ADAM12: variants seen among roughly 807,000 people sequenced by gnomAD.
ADAM12 encodes the protein disintegrin and metalloproteinase domain-containing protein 12.
ADAM12 carries 70 observed loss-of-function variants against 106.4 expected under a neutral mutation model. The observed-to-expected ratio is 0.66, with a 90% confidence interval of 0.54 to 0.80. ADAM12 has a LOEUF of 0.80. Among genes scored for constraint, ADAM12 ranks in the 30% least tolerant of loss-of-function variants. ADAM12 has a pLI of 0.00. For missense variants in ADAM12, 1,010 were observed against 1,171.9 expected (o/e 0.86, Z 2.02); for synonymous variants, 420 against 433.5 (o/e 0.97, Z 0.39).
At chr10:126,041,423 C>T in intron 18 of ADAM12, 1 of 985,656 alleles carries the variant, frequency 1.0e-6, no homozygotes, top group Non-Finnish European at 1.2e-6. Context: ...CACTTTTTAA[C>T]ATTCTTACTT....
At chr10:126,308,854 T>C (rs1190994389) in intron 2 of ADAM12, among the ~76,000 whole-genome samples, 2 of 152,226 alleles carry the variant, frequency 1.3e-5, no homozygotes, top group East Asian at 1.9e-4. Flanking sequence ...GTATCCATTG[T>C]TGAAGGTCAG....
At chr10:126,175,814 G>A (rs1957210187) in intron 3 of ADAM12, among the ~76,000 whole-genome samples, 1 of 152,234 alleles carries the variant, frequency 6.6e-6, no homozygotes, top group Non-Finnish European at 1.5e-5. Flanking sequence ...GCTGCTCTTG[G>A]AAGGAGGGGA....
intron 2 of ADAM12, among the ~76,000 whole-genome samples, chr10:126,282,977 A>G (rs1012542768): frequency 6.6e-6 from 1 of 152,046 alleles, no homozygotes; most frequent in Non-Finnish European, 1.5e-5. Context: ...ACAACTCACC[A>G]TAATGTAGCA....
At position 126,131,536 on chromosome 10, in the gene ADAM12, C is replaced by T. The variant is rs533405908; in HGVS notation, c.416+4048G>A. On this transcript the variant is annotated intron_variant, in intron 5 of 22. Coordinates refer to ENST00000448723, the MANE Select transcript of ADAM12 (RefSeq NM_001288973.2). ...ATGGGGCCTTTGGGAGCTGATCAGG[C>T]TTAGATGAGATCATGAGGGAAGCCC... 2.6e-5 allele frequency among the ~76,000 whole-genome samples: 4 copies of T among 152,262 alleles called. No homozygotes were observed. The East Asian group carries it at 7.7e-4, about 29-fold the overall frequency.
chr10:126,093,888 C>T lies in ADAM12; in HGVS notation c.1145+97G>A, dbSNP rs1955509120. On this transcript the variant is annotated intron_variant, in intron 11 of 22. Transcript: ENST00000448723. Reference sequence around the variant, plus strand: ...CTTTTTGGAAGCTTCCCTGGGTGCTCTGACCAGAAAACCAGAGACACTTTG... The same window carrying T: ...CTTTTTGGAAGCTTCCCTGGGTGCTTTGACCAGAAAACCAGAGACACTTTG... 5.8e-6 allele frequency: 9 copies of T among 1,544,880 alleles called. No homozygotes were observed. In the South Asian group the frequency reaches 1.1e-4, roughly 19 times the overall value.
At chr10:126,078,727 T>C (rs867310443) in intron 11 of ADAM12, among the ~76,000 whole-genome samples, 4 of 152,186 alleles carry the variant, frequency 2.6e-5, no homozygotes, top group Non-Finnish European at 4.4e-5. Context: ...GAATTTAAAA[T>C]TTTGGAACAA....
intron 1 of ADAM12, among the ~76,000 whole-genome samples, chr10:126,367,984 A>C (rs1855969164): frequency 6.6e-6 from 1 of 151,950 alleles, no homozygotes; most frequent in Non-Finnish European, 1.5e-5. Flanking sequence ...AAATAGCACT[A>C]TCTCTTATAA....
intron 1 of ADAM12, among the ~76,000 whole-genome samples, chr10:126,364,790 G>A (rs1308707540): frequency 6.6e-6 from 1 of 152,060 alleles, no homozygotes; most frequent in African/African-American, 2.4e-5. Flanking sequence ...AAATTAAACT[G>A]CATTATTAAG....
intron 3 of ADAM12, among the ~76,000 whole-genome samples, chr10:126,160,266 T>C (rs1956908827): frequency 6.6e-6 from 1 of 152,170 alleles, no homozygotes; most frequent in Non-Finnish European, 1.5e-5. Flanking sequence ...AATACATTTG[T>C]TTATTAGCTA....
In ADAM12 at chr10:126,219,703, G is replaced by A. The variant is rs546720674; in HGVS notation, c.260+59212C>T. On this transcript the variant is annotated intron_variant, in intron 3 of 22. Coordinates refer to ENST00000448723, the MANE Select transcript of ADAM12 (RefSeq NM_001288973.2). ...AAGTTTAGGTTCTGTGAGACAATGA[G>A]TAAATTTAGATGCTGTTAGTTAAAC... Among the ~76,000 whole-genome samples the A allele has an allele frequency of 2.0e-5, 3 of 152,326 alleles. No individual in the cohort carries two copies. In the East Asian group the frequency reaches 5.8e-4, roughly 29 times the overall value.
At chr10:126,318,447 T>C (rs1321274249) in intron 2 of ADAM12, among the ~76,000 whole-genome samples, 1 of 151,444 alleles carries the variant, frequency 6.6e-6, no homozygotes, top group African/African-American at 2.4e-5. Flanking sequence ...TTCACATACA[T>C]TCAAACTCAT....
At chr10:126,271,800 G>A (rs1031920476) in intron 3 of ADAM12, among the ~76,000 whole-genome samples, 10 of 152,142 alleles carry the variant, frequency 6.6e-5, no homozygotes, top group Non-Finnish European at 1.0e-4. Flanking sequence ...TCATGTCATT[G>A]TTCTGCCTAC....
chr10:126,194,066 C>T (rs1957553475), intron 3 of ADAM12, among the ~76,000 whole-genome samples: 3 of 151,920 alleles, frequency 2.0e-5, no homozygotes, highest in Admixed American at 2.0e-4. Context: ...GGAAAAGTTA[C>T]ACTTGTGAAA....
At chr10:126,363,555 C>G (rs1855809188) in intron 1 of ADAM12, among the ~76,000 whole-genome samples, 2 of 152,114 alleles carry the variant, frequency 1.3e-5, no homozygotes, top group African/African-American at 4.8e-5. Flanking sequence ...AGTTTGCTTC[C>G]CTGACATGTC....
At chr10:126,019,383 G>A (rs537097253) in intron 22 of ADAM12, among the ~76,000 whole-genome samples, 1 of 133,436 alleles carries the variant, frequency 7.5e-6, no homozygotes, top group Admixed American at 7.2e-5. Context: ...ATGCTACTTG[G>A]TAGCTCCTCT....
chr10:126,171,978 G>A (rs1480345768), intron 3 of ADAM12, among the ~76,000 whole-genome samples: 2 of 152,034 alleles, frequency 1.3e-5, no homozygotes, highest in South Asian at 2.1e-4. Flanking sequence ...TGTGTCTGGG[G>A]AAAAAAATAG....
chr10:126,377,194 T>C (rs189483737), intron 1 of ADAM12, among the ~76,000 whole-genome samples: 1 of 152,354 alleles, frequency 6.6e-6, no homozygotes, highest in East Asian at 1.9e-4. Context: ...CTTCAGTGTC[T>C]GCCCTCTGCA....
intron 1 of ADAM12, among the ~76,000 whole-genome samples, chr10:126,333,704 A>G (rs1386271039): frequency 2.0e-5 from 3 of 152,244 alleles, no homozygotes; most frequent in Admixed American, 1.3e-4. Flanking sequence ...GCTGAGAAAG[A>G]CACAGTTATT....
intron 8 of ADAM12, among the ~76,000 whole-genome samples, chr10:126,104,995 C>G (rs1309799329): frequency 6.6e-6 from 1 of 152,134 alleles, no homozygotes; most frequent in Non-Finnish European, 1.5e-5. Flanking sequence ...GACTTGGAAG[C>G]ACCAAGTCTC....
Sources: gnomAD v4.1 joint callset for allele counts (sites outside exome capture counted in the v4.1 genomes callset) on GRCh38, gnomAD v4.1.1 for gene constraint, MANE v1.5 for transcripts, NCBI Gene and HGNC (gene_info 2026-07-23, HGNC 2026-07-21) for gene names.